CCDC102B: variants seen among roughly 807,000 people sequenced by gnomAD.
The protein encoded by CCDC102B is coiled-coil domain-containing protein 102B.
A neutral mutation model predicts 57.4 loss-of-function variants in CCDC102B; 75 were observed. That is an observed-to-expected ratio of 1.31 (90% CI 1.08 to 1.58). The LOEUF (loss-of-function observed/expected upper bound fraction) is 1.58. Ranked by LOEUF, CCDC102B falls within the 40% of genes most tolerant of loss-of-function variation. The probability of loss-of-function intolerance (pLI) is 0.00; values close to 1 mark genes in which losing one functional copy is unlikely to be tolerated. For missense variants in CCDC102B, 636 were observed against 582.6 expected, an observed-to-expected ratio of 1.09 and a Z score of -0.94; for synonymous variants, 206 against 201.9, an observed-to-expected ratio of 1.02 and a Z score of -0.17.
rs757689622 is a variant in CCDC102B at position 68,870,755 on chromosome 18, A to T, written c.937-3914A>T. Among the ~76,000 whole-genome samples, 94 of 152,206 alleles carry T rather than the reference A, an allele frequency of 6.2e-4. 1 individual carries two copies. The highest frequency in any genetic ancestry group is 8.8e-5 in the Non-Finnish European group (6 of 68,028). ...GATTGAATAATTCTACATGGTTAATAACATTGACTTCAATATTTGGTGCAT... is the reference window on the plus strand; with the variant it reads ...GATTGAATAATTCTACATGGTTAATTACATTGACTTCAATATTTGGTGCAT... On this transcript the variant is annotated intron_variant, in intron 4 of 7. Coordinates refer to ENST00000360242, the MANE Select transcript of CCDC102B (RefSeq NM_024781.3).
intron 4 of CCDC102B, among the ~76,000 whole-genome samples, chr18:68,850,209 C>A (rs1209648026): frequency 1.3e-5 from 2 of 152,106 alleles, no homozygotes; most frequent in Non-Finnish European, 2.9e-5. Context: ...AATATCATAT[C>A]TTATTAATAA....
chr18:68,812,527 A>G (rs188620489), intron 1 of CCDC102B, among the ~76,000 whole-genome samples: 1 of 152,326 alleles, frequency 6.6e-6, no homozygotes, highest in African/African-American at 2.4e-5. Context: ...AACATAGCAG[A>G]TCTGAATAGC....
chr18:68,820,460 A>G (rs1568268588), intron 1 of CCDC102B, among the ~76,000 whole-genome samples: 1 of 152,078 alleles, frequency 6.6e-6, no homozygotes, highest in Non-Finnish European at 1.5e-5. Flanking sequence ...TAACATTTCT[A>G]TTAGGGCGTT....
intron 7 of CCDC102B, among the ~76,000 whole-genome samples, chr18:69,047,568 G>A (rs534969225): frequency 2.0e-4 from 31 of 152,126 alleles, no homozygotes; most frequent in African/African-American, 6.0e-4. Context: ...GAAATAAAAC[G>A]CATCCAAATT....
chr18:68,727,736 G>C (rs2032662881), intron 2 of CCDC102B, among the ~76,000 whole-genome samples: 1 of 152,212 alleles, frequency 6.6e-6, no homozygotes, highest in African/African-American at 2.4e-5. Flanking sequence ...GAAAGCAGCT[G>C]TCTTGTGTCC....
At chr18:68,908,949 T>C (rs1285211007) in intron 6 of CCDC102B, among the ~76,000 whole-genome samples, 1 of 152,152 alleles carries the variant, frequency 6.6e-6, no homozygotes, top group Non-Finnish European at 1.5e-5. Flanking sequence ...AATTTTTATA[T>C]ACCTTCTTTG....
chr18:69,031,402 T>C (rs1235995730), intron 7 of CCDC102B, among the ~76,000 whole-genome samples: 1 of 151,996 alleles, frequency 6.6e-6, no homozygotes, highest in African/African-American at 2.4e-5. Flanking sequence ...CATCTTTTTG[T>C]ATTATTCCTT....
At chr18:68,880,653 T>G (rs1457775875) in intron 5 of CCDC102B, among the ~76,000 whole-genome samples, 1 of 152,140 alleles carries the variant, frequency 6.6e-6, no homozygotes, top group African/African-American at 2.4e-5. Flanking sequence ...CTAAACCTTT[T>G]GTTGAATTGA....
intron 4 of CCDC102B, 76 bp from the exon 5 acceptor site, chr18:68,874,593 T>C: frequency 5.9e-6 from 5 of 847,410 alleles, no homozygotes; most frequent in Non-Finnish European, 9.6e-6. Flanking sequence ...TAAAGCTAAA[T>C]GAAGGACTAA....
intron 1 of CCDC102B, among the ~76,000 whole-genome samples, chr18:68,832,223 C>A (rs1015176257): frequency 6.6e-6 from 1 of 152,134 alleles, no homozygotes; most frequent in Non-Finnish European, 1.5e-5. Context: ...GGAAGTTTAA[C>A]TTCTGCCAAA....
At chr18:68,812,834 T>C (rs1053544879) in intron 1 of CCDC102B, among the ~76,000 whole-genome samples, 11 of 152,006 alleles carry the variant, frequency 7.2e-5, no homozygotes, top group African/African-American at 2.7e-4. Context: ...CCTAGGGAAG[T>C]TGAATAATTT....
chr18:68,715,888 A>G (rs2031934202), intron 1 of CCDC102B, among the ~76,000 whole-genome samples: 1 of 152,166 alleles, frequency 6.6e-6, no homozygotes, highest in Admixed American at 6.5e-5. Flanking sequence ...AAATTTTGAA[A>G]ACCTGTGACA....
At chr18:68,745,473 G>A (rs1381448064) in intron 2 of CCDC102B, among the ~76,000 whole-genome samples, 1 of 151,400 alleles carries the variant, frequency 6.6e-6, no homozygotes, top group East Asian at 1.9e-4. Flanking sequence ...TTTTAATGAA[G>A]ATATAATTGT....
At chr18:68,929,817 A>G (rs139973174) in intron 6 of CCDC102B, among the ~76,000 whole-genome samples, 46 of 149,530 alleles carry the variant, frequency 3.1e-4, no homozygotes, top group African/African-American at 1.1e-3. Context: ...TACTTTAAGT[A>G]TATGTATATA....
chr18:68,813,722 A>C (rs887556151), intron 1 of CCDC102B, among the ~76,000 whole-genome samples: 1 of 151,682 alleles, frequency 6.6e-6, no homozygotes, highest in African/African-American at 2.4e-5. Context: ...GAATTAATGG[A>C]AGAGCAATTG....
intron 6 of CCDC102B, among the ~76,000 whole-genome samples, chr18:68,931,451 C>G (rs1455380472): frequency 6.6e-6 from 1 of 151,556 alleles, no homozygotes; most frequent in East Asian, 2.0e-4. Flanking sequence ...GGAAAGCATT[C>G]TCAACATGGG....
At chr18:68,930,702 T>C (rs1027662844) in intron 6 of CCDC102B, among the ~76,000 whole-genome samples, 4 of 151,932 alleles carry the variant, frequency 2.6e-5, no homozygotes, top group Non-Finnish European at 5.9e-5. Context: ...GGGTCCAAAA[T>C]TGTGAGCACT....
chr18:68,989,574 C>T (rs1417693663), intron 6 of CCDC102B, among the ~76,000 whole-genome samples: 2 of 152,210 alleles, frequency 1.3e-5, no homozygotes, highest in African/African-American at 2.4e-5. Context: ...GAAATCCCGT[C>T]CCATCAATTA....
At chr18:68,802,675 G>T (rs948798435) in intron 1 of CCDC102B, among the ~76,000 whole-genome samples, 1 of 152,172 alleles carries the variant, frequency 6.6e-6, no homozygotes, top group Non-Finnish European at 1.5e-5. Flanking sequence ...TCTATGGTTG[G>T]CCGTCATTGT....
Sources: allele counts gnomAD v4.1 joint callset (sites outside exome capture counted in the v4.1 genomes callset), GRCh38; gene constraint gnomAD v4.1.1; transcripts MANE v1.5; gene names NCBI Gene and HGNC (gene_info 2026-07-23, HGNC 2026-07-21).